ANO3: variants seen among roughly 807,000 people sequenced by gnomAD.
ANO3 encodes anoctamin 3.
ANO3 carries 99 observed loss-of-function variants against 144.8 expected under a neutral mutation model. That is an observed-to-expected ratio of 0.68 (90% CI 0.58 to 0.81). ANO3 has a LOEUF of 0.81. Ranked by LOEUF, ANO3 falls within the 30% of genes least tolerant of loss-of-function variation. The probability of loss-of-function intolerance (pLI) is 0.00; values close to 1 mark genes in which losing one functional copy is unlikely to be tolerated. For synonymous variants in ANO3, 414 were observed against 392.6 expected (o/e 1.05, Z -0.64); for missense variants, 905 against 1,202.2 (o/e 0.75, Z 3.66).
chr11:26,442,640 CT>C (rs1420246894), intron 2 of ANO3, among the ~76,000 whole-genome samples: 1 of 152,164 alleles, frequency 6.6e-6, no homozygotes, highest in Non-Finnish European at 1.5e-5. Context: ...TGTGGCTACC[CT>C]TAGGCACTCT....
intron 1 of ANO3, among the ~76,000 whole-genome samples, chr11:26,324,864 A>G (rs760985865): frequency 7.2e-5 from 11 of 152,340 alleles, no homozygotes; most frequent in Admixed American, 2.0e-4. Flanking sequence ...TTTCTGGGTG[A>G]TCACGTATTA....
At chr11:26,395,962 G>T (rs901371553) in intron 1 of ANO3, among the ~76,000 whole-genome samples, 1 of 152,076 alleles carries the variant, frequency 6.6e-6, no homozygotes, top group South Asian at 2.1e-4. Flanking sequence ...TTAAACTAAA[G>T]AGCTTCTGCA....
In ANO3 at chr11:26,660,693, C is replaced by A. The variant is rs1181463678; in HGVS notation, c.*249C>A. On this transcript the variant is annotated 3_prime_UTR_variant, in exon 27 of 27. Coordinates refer to ENST00000256737, the MANE Select transcript of ANO3 (RefSeq NM_031418.4). ...GAAGCCAGGATGTAATTCTCAGAAC[C>A]AGTCTCAGGGAGATATATGCTTGGA... The A allele has an allele frequency of 2.4e-6, 1 of 421,960 alleles. No homozygotes were observed. Among genetic ancestry groups the A allele is most frequent in the Non-Finnish European group, 4.2e-6 (1 of 238,358 alleles). 26.1% of individuals were successfully genotyped at this position (421,960 alleles called of 1,614,324 possible).
chr11:26,346,135 A>C lies in ANO3; in HGVS notation c.46+13814A>C, dbSNP rs182814810. On this transcript the variant is annotated intron_variant, in intron 1 of 26. Coordinates refer to ENST00000256737, the MANE Select transcript of ANO3 (RefSeq NM_031418.4). ...TTTATAAATAAGGAAACATACCCTG[A>C]GATGTTAAGTAAGTTGCACATGGCC... Among the ~76,000 whole-genome samples the C allele has an allele frequency of 2.6e-5, 4 of 152,292 alleles. No individual in the cohort carries two copies. In the East Asian group the frequency reaches 5.8e-4, roughly 22 times the overall value.
At position 26,579,719 on chromosome 11, in the gene ANO3, G is replaced by A. The variant is rs558484774; in HGVS notation, c.1448-18646G>A. ...AAAGCAAAAGAAAGTATTAAGTCAC[G>A]TGGATCTTTTTTTTCATGAAAAAGA... On this transcript the variant is annotated intron_variant, in intron 14 of 26. Coordinates refer to ENST00000256737, the MANE Select transcript of ANO3 (RefSeq NM_031418.4). Among the ~76,000 whole-genome samples, 15 of 152,108 alleles carry A rather than the reference G, an allele frequency of 9.9e-5. No individual in the cohort carries two copies. In the South Asian group the frequency reaches 1.2e-3, roughly 13 times the overall value.
intron 3 of ANO3, among the ~76,000 whole-genome samples, chr11:26,451,929 G>GA (rs1858958465): frequency 6.6e-6 from 1 of 152,086 alleles, no homozygotes; most frequent in Admixed American, 6.6e-5. Flanking sequence ...CGCGGTTCAC[G>GA]AAAAACCACT....
chr11:26,567,032 T>G (rs1266124905), intron 14 of ANO3: 18 of 1,475,786 alleles, frequency 1.2e-5, no homozygotes, highest in Non-Finnish European at 1.6e-5. Flanking sequence ...GTTTACAGTA[T>G]CATCTTATTT....
chr11:26,510,239 T>TA (rs1412657813), intron 5 of ANO3, among the ~76,000 whole-genome samples: 1 of 152,112 alleles, frequency 6.6e-6, no homozygotes, highest in Non-Finnish European at 1.5e-5. Flanking sequence ...ACTTGACTCT[T>TA]TACAAGGAAT....
chr11:26,365,219 G>A (rs931860373), intron 1 of ANO3, among the ~76,000 whole-genome samples: 5 of 152,214 alleles, frequency 3.3e-5, no homozygotes, highest in African/African-American at 1.2e-4. Flanking sequence ...TGCAGGGGCT[G>A]GGCCCACAAG....
chr11:26,328,547 C>A (rs894177252), upstream of ANO3, among the ~76,000 whole-genome samples: 2 of 152,112 alleles, frequency 1.3e-5, no homozygotes, highest in Non-Finnish European at 2.9e-5. Context: ...GCTGAGGGAC[C>A]TATTTCGAAA....
At chr11:26,372,105 G>A (rs1856277478) in intron 1 of ANO3, among the ~76,000 whole-genome samples, 1 of 152,216 alleles carries the variant, frequency 6.6e-6, no homozygotes, top group African/African-American at 2.4e-5. Flanking sequence ...ATCCCCACAT[G>A]TTGTGAGAGG....
Position 26,565,249 on chromosome 11 carries a change from A to G in ANO3, c.1447+5470A>G, listed in dbSNP as rs146658130. 243 of 1,554,860 alleles carry G rather than the reference A, an allele frequency of 1.6e-4. 1 individual carries two copies. The African/African-American group carries it at 2.5e-3, about 16-fold the overall frequency. ...GGCTGTAGAGTTGTTTTTTCTTGAT[A>G]AGGGGTAAACCCAGTGAAGCTATCA... On this transcript the variant is annotated intron_variant, in intron 14 of 26. Coordinates refer to ENST00000256737, the MANE Select transcript of ANO3 (RefSeq NM_031418.4).
chr11:26,469,561 A>G lies in ANO3; in HGVS notation c.432+6413A>G, dbSNP rs114264727. 2.5e-3 allele frequency among the ~76,000 whole-genome samples: 373 copies of G among 152,082 alleles called. 1 individual carries two copies. Among genetic ancestry groups the G allele is most frequent in the African/African-American group, 8.5e-3 (354 of 41,530 alleles). ...ATATTGAAAACAAAGCAAAACAAAA[A>G]TAAACAATTTTTCTAATGACAGAAT... On this transcript the variant is annotated intron_variant, in intron 4 of 26. Transcript: ENST00000256737.
At chr11:26,627,830 T>C (rs79121064) in intron 18 of ANO3, among the ~76,000 whole-genome samples, 6 of 133,128 alleles carry the variant, frequency 4.5e-5, no homozygotes, top group African/African-American at 1.9e-4. Flanking sequence ...TGTGTGTGTG[T>C]GTGTGTGTGT....
At chr11:26,594,488 G>A (rs1191374673) in intron 14 of ANO3, among the ~76,000 whole-genome samples, 2 of 152,146 alleles carry the variant, frequency 1.3e-5, no homozygotes, top group African/African-American at 4.8e-5. Context: ...AAGGTTATCT[G>A]AGAATTCACC....
At chr11:26,412,821 T>TGTGC (rs1406769143) in intron 1 of ANO3, among the ~76,000 whole-genome samples, 1 of 151,514 alleles carries the variant, frequency 6.6e-6, no homozygotes, top group African/African-American at 2.4e-5. Context: ...TGTGTGTGTG[T>TGTGC]GTGTGTGTAT....
At chr11:26,532,970 G>T (rs1849411663) in intron 8 of ANO3, among the ~76,000 whole-genome samples, 1 of 152,148 alleles carries the variant, frequency 6.6e-6, no homozygotes, top group Non-Finnish European at 1.5e-5. Flanking sequence ...AAAATTACTT[G>T]TTGAGGGAAT....
intron 6 of ANO3, among the ~76,000 whole-genome samples, chr11:26,518,321 G>T (rs1861937681): frequency 6.6e-6 from 1 of 151,930 alleles, no homozygotes; most frequent in East Asian, 1.9e-4. Flanking sequence ...AGGAATACTT[G>T]CTCTTTGCTC....
At chr11:26,331,525 A>G (rs942589798), upstream of ANO3, 7 of 152,120 alleles carry the variant, frequency 4.6e-5, no homozygotes, top group Non-Finnish European at 1.5e-5. Flanking sequence ...CCTACATTAC[A>G]GGGCTTTTAT....
Sources: gnomAD v4.1 joint callset for allele counts (sites outside exome capture counted in the v4.1 genomes callset) on GRCh38, gnomAD v4.1.1 for gene constraint, MANE v1.5 for transcripts, NCBI Gene and HGNC (gene_info 2026-07-23, HGNC 2026-07-21) for gene names.